CLEC16A: variants seen among roughly 807,000 people sequenced by gnomAD.
CLEC16A encodes protein CLEC16A.
Under a neutral mutation model 109.5 loss-of-function variants are expected in CLEC16A, and 51 were observed. The observed-to-expected ratio is 0.47, with a 90% CI of 0.37 to 0.59. The LOEUF is 0.59. CLEC16A is among the 20% of genes least tolerant of loss of function. CLEC16A has a pLI of 0.00. For synonymous variants in CLEC16A, 673 were observed against 564.2 expected, an observed-to-expected ratio of 1.19 and a Z score of -2.73; for missense variants, 1,339 against 1,394.0, an observed-to-expected ratio of 0.96 and a Z score of 0.63.
intron 19 of CLEC16A, among the ~76,000 whole-genome samples, chr16:11,066,041 G>A (rs2048736785): frequency 6.6e-6 from 1 of 152,202 alleles, no homozygotes; most frequent in Non-Finnish European, 1.5e-5. Flanking sequence ...GGGCGGCGAG[G>A]AGCATGGACT....
chr16:11,143,142 G>A (rs980562715), intron 22 of CLEC16A, among the ~76,000 whole-genome samples: 1 of 152,222 alleles, frequency 6.6e-6, no homozygotes, highest in African/African-American at 2.4e-5. Context: ...AGCACCTACT[G>A]TGTGCCACGC....
At chr16:11,005,756 G>A (rs1027432959) in intron 11 of CLEC16A, among the ~76,000 whole-genome samples, 4 of 152,102 alleles carry the variant, frequency 2.6e-5, no homozygotes, top group South Asian at 2.1e-4. Context: ...CCTGTGAGTC[G>A]GAAGGGTGTC....
intron 10 of CLEC16A, among the ~76,000 whole-genome samples, chr16:11,002,630 T>G (rs551805346): frequency 2.7e-4 from 41 of 152,108 alleles, no homozygotes; most frequent in African/African-American, 9.9e-4. Context: ...CCAAACACCC[T>G]CCCATCATCC....
At chr16:10,985,165 T>A (rs11646935) in intron 10 of CLEC16A, among the ~76,000 whole-genome samples, 59,464 of 141,324 alleles carry the variant, frequency 0.42, 13,881 homozygotes, top group East Asian at 0.69. Context: ...ATTGCGCCAC[T>A]GCACTCCAGC....
chr16:11,027,426 G>C, intron 13 of CLEC16A: 5 of 1,509,064 alleles, frequency 3.3e-6, no homozygotes, highest in Non-Finnish European at 1.8e-6. Context: ...GCGTATAGTG[G>C]AAACTTATGT....
rs1478251636 is a variant in CLEC16A at position 10,973,060 on chromosome 16, G to A, written c.727G>A (p.Glu243Lys). ...ELDDCVQTDEEHRNRGKLSDL... is the reference protein window; with the variant it reads ...ELDDCVQTDEKHRNRGKLSDL... Reference sequence around the variant, plus strand: ...CGATGACTGCGTGCAGACTGATGAGGAGTAAGTGACACCCCCAGGGCCACT... The same window carrying A: ...CGATGACTGCGTGCAGACTGATGAGAAGTAAGTGACACCCCCAGGGCCACT... The change falls in exon 7 of 24, where the codon GAG becomes AAG. Residue 243 changes from glutamate to lysine, a missense_variant and splice_region_variant. By Grantham distance (56) the Glu-to-Lys change is moderately conservative. Transcript: ENST00000409790. 2 of 1,602,510 alleles carry A rather than the reference G, an allele frequency of 1.2e-6. No homozygotes were observed. The highest frequency in any genetic ancestry group is 1.7e-6 in the Non-Finnish European group (2 of 1,174,036).
chr16:11,018,079 G>A (rs190002837), intron 11 of CLEC16A, among the ~76,000 whole-genome samples: 47 of 149,276 alleles, frequency 3.1e-4, no homozygotes, highest in Admixed American at 2.5e-3. Context: ...AGGCCAAGGT[G>A]GGAGGATCAT....
intron 19 of CLEC16A, among the ~76,000 whole-genome samples, chr16:11,088,682 C>T (rs937879839): frequency 6.6e-6 from 1 of 152,082 alleles, no homozygotes; most frequent in African/African-American, 2.4e-5. Flanking sequence ...TGCTTGGCAC[C>T]CCTGCTCCTT....
chr16:11,026,791 A>G (rs1019038571), intron 13 of CLEC16A, among the ~76,000 whole-genome samples: 13 of 152,104 alleles, frequency 8.5e-5, no homozygotes, highest in African/African-American at 2.9e-4. Context: ...AACTTACAAG[A>G]AAAGGGCTGG....
At chr16:10,947,497 A>G (rs1382390826) in intron 1 of CLEC16A, among the ~76,000 whole-genome samples, 2 of 152,254 alleles carry the variant, frequency 1.3e-5, no homozygotes, top group Non-Finnish European at 2.9e-5. Context: ...AAGAATGAAC[A>G]GAAGCCACCA....
At chr16:11,111,984 C>T (rs1214455281) in intron 19 of CLEC16A, among the ~76,000 whole-genome samples, 8 of 152,358 alleles carry the variant, frequency 5.3e-5, no homozygotes, top group African/African-American at 2.4e-5. Flanking sequence ...GTAGCAAAAG[C>T]TTCTAAACAC....
intron 19 of CLEC16A, among the ~76,000 whole-genome samples, chr16:11,095,477 A>G (rs1204354818): frequency 6.6e-6 from 1 of 152,210 alleles, no homozygotes; most frequent in East Asian, 1.9e-4. Context: ...GGCAGTCAGC[A>G]TAGCTGAGGG....
intron 19 of CLEC16A, among the ~76,000 whole-genome samples, chr16:11,095,142 G>A (rs1398159870): frequency 1.3e-5 from 2 of 150,196 alleles, no homozygotes; most frequent in African/African-American, 2.5e-5. Flanking sequence ...TGTTTCAAAT[G>A]TGTGAGCTTG....
At chr16:11,063,717 C>A (rs2048617067) in intron 19 of CLEC16A, among the ~76,000 whole-genome samples, 1 of 152,160 alleles carries the variant, frequency 6.6e-6, no homozygotes, top group Admixed American at 6.5e-5. Flanking sequence ...GACAGCCGAG[C>A]TCCGGCTGTC....
At chr16:11,020,443 C>A in intron 12 of CLEC16A, 118 bp downstream of exon 12, 1 of 1,256,970 alleles carries the variant, frequency 8.0e-7, no homozygotes, top group Non-Finnish European at 1.1e-6. Flanking sequence ...CATGCTGCCT[C>A]CCTTTCTTTC....
At chr16:11,057,570 G>C (rs2048274150) in intron 18 of CLEC16A, among the ~76,000 whole-genome samples, 1 of 152,186 alleles carries the variant, frequency 6.6e-6, no homozygotes, top group Non-Finnish European at 1.5e-5. Flanking sequence ...CAAAGAAACT[G>C]GAGCAATCTC....
intron 3 of CLEC16A, among the ~76,000 whole-genome samples, chr16:10,968,706 T>A (rs1470156704): frequency 1.3e-5 from 2 of 152,208 alleles, no homozygotes; most frequent in Non-Finnish European, 2.9e-5. Context: ...AAGGGACCTT[T>A]ATGCAATCAT....
intron 22 of CLEC16A, among the ~76,000 whole-genome samples, chr16:11,138,427 C>A (rs570410587): frequency 1.3e-5 from 2 of 152,270 alleles, no homozygotes; most frequent in African/African-American, 2.4e-5. Context: ...CAGCAGGAAG[C>A]CATTGAAGGT....
rs2043088417 is a variant in CLEC16A, at chr16:10,977,516, GT to G, written c.903+120del. 6.4e-6 allele frequency: 6 copies of G among 938,260 alleles called. No homozygotes were observed. The Admixed American group carries it at 1.8e-4, about 28-fold the overall frequency. The allele number at this position is 938,260 out of a possible 1,614,324, so 58.1% of individuals were successfully genotyped here. On this transcript the variant is annotated intron_variant, in intron 8 of 23. Transcript: ENST00000409790. ...AAATCAGGACTGAGGTTTTTTTTTTGTTTGTTTGTTTTTAAAAGACGGAGTT... is the reference window on the plus strand; with the variant it reads ...AAATCAGGACTGAGGTTTTTTTTTTGTTGTTTGTTTTTAAAAGACGGAGTT...
Sources: allele counts gnomAD v4.1 joint callset (sites outside exome capture counted in the v4.1 genomes callset), GRCh38; gene constraint gnomAD v4.1.1; transcripts MANE v1.5; gene names NCBI Gene and HGNC (gene_info 2026-07-23, HGNC 2026-07-21).